The following PITPNC1 variants were observed in gnomAD, a reference collection of about 807,000 sequenced individuals.
PITPNC1 encodes the protein cytoplasmic phosphatidylinositol transfer protein 1.
Under a neutral mutation model 44.7 loss-of-function variants are expected in PITPNC1, and 18 were observed. The observed-to-expected ratio is 0.40, with a 90% confidence interval of 0.28 to 0.60. PITPNC1 has a LOEUF of 0.60. Among genes scored for constraint, PITPNC1 ranks in the 20% least tolerant of loss-of-function variants. PITPNC1 has a pLI of 0.39. For synonymous variants in PITPNC1, 141 were observed against 149.6 expected, an observed-to-expected ratio of 0.94 and a Z score of 0.42; for missense variants, 290 against 418.4, an observed-to-expected ratio of 0.69 and a Z score of 2.68.
chr17:67,650,989 G>T (rs892564677), intron 6 of PITPNC1, among the ~76,000 whole-genome samples: 1 of 152,086 alleles, frequency 6.6e-6, no homozygotes, highest in African/African-American at 2.4e-5. Context: ...AACACAAACC[G>T]CTCAGGGTTT....
chr17:67,384,488 C>T (rs981398398), intron 1 of PITPNC1, among the ~76,000 whole-genome samples: 3 of 151,540 alleles, frequency 2.0e-5, no homozygotes, highest in African/African-American at 7.3e-5. Context: ...TGCAGTGGCG[C>T]GATCTCGGCT....
At chr17:67,427,558 C>T (rs1448855919) in intron 1 of PITPNC1, among the ~76,000 whole-genome samples, 2 of 152,158 alleles carry the variant, frequency 1.3e-5, no homozygotes, top group African/African-American at 4.8e-5. Flanking sequence ...GGACTCCTCA[C>T]AAGAGTGAGT....
At chr17:67,501,621 C>T (rs911085034) in intron 1 of PITPNC1, among the ~76,000 whole-genome samples, 1 of 152,076 alleles carries the variant, frequency 6.6e-6, no homozygotes, top group Non-Finnish European at 1.5e-5. Flanking sequence ...TGCCTGAGGT[C>T]AGGAGTTCAA....
At chr17:67,415,378 T>C (rs2143853463) in intron 1 of PITPNC1, among the ~76,000 whole-genome samples, 1 of 152,302 alleles carries the variant, frequency 6.6e-6, no homozygotes, top group Non-Finnish European at 1.5e-5. Context: ...GATTGTAAGT[T>C]TCCTAACAAG....
At chr17:67,398,987 G>A (rs991129461) in intron 1 of PITPNC1, among the ~76,000 whole-genome samples, 3 of 147,122 alleles carry the variant, frequency 2.0e-5, no homozygotes, top group Non-Finnish European at 3.0e-5. Flanking sequence ...GCAACTTCTC[G>A]TGTAGTTGTA....
At chr17:67,653,811 C>T (rs938878794) in intron 6 of PITPNC1, among the ~76,000 whole-genome samples, 4 of 151,766 alleles carry the variant, frequency 2.6e-5, no homozygotes, top group Non-Finnish European at 1.5e-5. Context: ...GGAAGAGAGC[C>T]CTGCCCTGGC....
chr17:67,577,981 C>T (rs2041172892), intron 4 of PITPNC1: 1 of 601,030 alleles, frequency 1.7e-6, no homozygotes, highest in Non-Finnish European at 3.0e-6. Context: ...TCTCTGTGGC[C>T]TGACCTCTGT....
chr17:67,481,999 ACTTTTGG>A (rs2039711188), intron 1 of PITPNC1, among the ~76,000 whole-genome samples: 1 of 152,210 alleles, frequency 6.6e-6, no homozygotes, highest in African/African-American at 2.4e-5. Context: ...GATTACTTGT[ACTTTTGG>A]AAGAAATAAA....
intron 5 of PITPNC1, among the ~76,000 whole-genome samples, chr17:67,616,266 G>A (rs570185774): frequency 6.6e-6 from 1 of 152,132 alleles, no homozygotes; most frequent in Admixed American, 6.6e-5. Context: ...TCAGCCTCCC[G>A]GGTACCTGGG....
chr17:67,443,507 C>T (rs573041852), intron 1 of PITPNC1, among the ~76,000 whole-genome samples: 7 of 151,766 alleles, frequency 4.6e-5, no homozygotes, highest in East Asian at 1.9e-4. Flanking sequence ...GGCGAGCAAC[C>T]GGGGCTTTTC....
chr17:67,454,820 C>CTTTTT (rs35832239), intron 1 of PITPNC1, among the ~76,000 whole-genome samples: 2 of 127,940 alleles, frequency 1.6e-5, no homozygotes, highest in African/African-American at 6.0e-5. Flanking sequence ...TTTTATTTTC[C>CTTTTT]TTTTTTTTTT....
At chr17:67,384,399 C>CCAAA (rs1346225764) in intron 1 of PITPNC1, among the ~76,000 whole-genome samples, 1 of 151,556 alleles carries the variant, frequency 6.6e-6, no homozygotes, top group East Asian at 1.9e-4. Context: ...AATGGAAATG[C>CCAAA]CAAAATGCCC....
intron 1 of PITPNC1, among the ~76,000 whole-genome samples, chr17:67,444,299 G>T (rs904281431): frequency 1.3e-5 from 2 of 152,096 alleles, no homozygotes; most frequent in Admixed American, 1.3e-4. Flanking sequence ...AGATCACGGG[G>T]AAGCTCTTGG....
At chr17:67,664,333 A>C (rs983887713) in intron 6 of PITPNC1, among the ~76,000 whole-genome samples, 2 of 152,194 alleles carry the variant, frequency 1.3e-5, no homozygotes, top group African/African-American at 4.8e-5. Flanking sequence ...TCCATTCATC[A>C]GTAATGCAGT....
chr17:67,466,760 T>C (rs1349566326), intron 1 of PITPNC1, among the ~76,000 whole-genome samples: 1 of 152,132 alleles, frequency 6.6e-6, no homozygotes, highest in Admixed American at 6.6e-5. Context: ...GAGGAGTGCT[T>C]GGCCCTGGTG....
At chr17:67,419,916 CAAAAA>C (rs200551679) in intron 1 of PITPNC1, among the ~76,000 whole-genome samples, 1 of 140,820 alleles carries the variant, frequency 7.1e-6, no homozygotes, top group African/African-American at 2.6e-5. Context: ...GACCCTGTCT[CAAAAA>C]AAAAAAGAGA....
intron 1 of PITPNC1, among the ~76,000 whole-genome samples, chr17:67,441,618 T>C (rs1157658761): frequency 6.6e-6 from 1 of 152,222 alleles, no homozygotes; most frequent in Non-Finnish European, 1.5e-5. Context: ...CGATCACAGC[T>C]GTAAAGACCA....
chr17:67,467,680 C>T (rs892115319), intron 1 of PITPNC1, among the ~76,000 whole-genome samples: 9 of 152,254 alleles, frequency 5.9e-5, no homozygotes, highest in Middle Eastern at 3.4e-3. Flanking sequence ...AAGCTCCAAG[C>T]TCTGTATCTA....
intron 5 of PITPNC1, among the ~76,000 whole-genome samples, chr17:67,580,472 A>G (rs1246669931): frequency 1.3e-5 from 2 of 151,704 alleles, no homozygotes; most frequent in East Asian, 1.9e-4. Context: ...CAGCCCCCCT[A>G]CTGGGACTAC....
Sources: gnomAD v4.1 joint callset for allele counts (sites outside exome capture counted in the v4.1 genomes callset) on GRCh38, gnomAD v4.1.1 for gene constraint, MANE v1.5 for transcripts, NCBI Gene and HGNC (gene_info 2026-07-23, HGNC 2026-07-21) for gene names.